MVB12B: variants seen among roughly 807,000 people sequenced by gnomAD.
MVB12B encodes multivesicular body subunit 12B, also known as ESCRT-I complex subunit MVB12B.
Under a neutral mutation model 41.6 loss-of-function variants are expected in MVB12B, and 16 were observed. That is an observed-to-expected ratio of 0.38 (90% CI 0.26 to 0.58). The LOEUF is 0.58. Ranked by LOEUF, MVB12B falls within the 20% of genes least tolerant of loss-of-function variation. The probability of loss-of-function intolerance (pLI) is 0.62; values close to 1 mark genes in which losing one functional copy is unlikely to be tolerated. For synonymous variants in MVB12B, 133 were observed against 139.7 expected (o/e 0.95, Z 0.34); for missense variants, 274 against 380.2 (o/e 0.72, Z 2.32).
At chr9:126,457,223 C>T (rs1833001556) in intron 7 of MVB12B, among the ~76,000 whole-genome samples, 1 of 152,190 alleles carries the variant, frequency 6.6e-6, no homozygotes, top group African/African-American at 2.4e-5. Context: ...CCTTTGGGAT[C>T]CCTTCTTCCC....
chr9:126,365,355 C>CA (rs762716054), intron 2 of MVB12B, among the ~76,000 whole-genome samples: 29 of 109,556 alleles, frequency 2.6e-4, no homozygotes, highest in Admixed American at 8.1e-4. Flanking sequence ...TTTTAAGAGA[C>CA]AGAGTCTCGC....
intron 7 of MVB12B, among the ~76,000 whole-genome samples, chr9:126,464,641 ACT>A (rs1416973911): frequency 2.0e-5 from 3 of 152,190 alleles, no homozygotes; most frequent in African/African-American, 7.2e-5. Flanking sequence ...ACATCCCTTA[ACT>A]CTGTGTGGAG....
At chr9:126,474,482 G>T (rs899863420) in intron 7 of MVB12B, among the ~76,000 whole-genome samples, 1 of 152,130 alleles carries the variant, frequency 6.6e-6, no homozygotes, top group Non-Finnish European at 1.5e-5. Context: ...ATATGAAAAG[G>T]CTGCCCAGAT....
intron 8 of MVB12B, among the ~76,000 whole-genome samples, chr9:126,482,728 A>G (rs1833550978): frequency 6.6e-6 from 1 of 152,220 alleles, no homozygotes; most frequent in Non-Finnish European, 1.5e-5. Context: ...CCGGCAGAGC[A>G]GCCGCGAGCG....
At chr9:126,380,546 C>T (rs1830604777) in intron 2 of MVB12B, among the ~76,000 whole-genome samples, 1 of 152,206 alleles carries the variant, frequency 6.6e-6, no homozygotes. Context: ...CAAGAGGACG[C>T]AGGGTGGAGT....
intron 4 of MVB12B, among the ~76,000 whole-genome samples, chr9:126,390,915 G>T (rs1196129330): frequency 6.8e-6 from 1 of 146,984 alleles, no homozygotes; most frequent in Non-Finnish European, 1.5e-5. Context: ...TCATGCCACT[G>T]CACTCCAGCC....
chr9:126,390,502 G>T (rs1304744246), intron 4 of MVB12B, among the ~76,000 whole-genome samples: 1 of 152,232 alleles, frequency 6.6e-6, no homozygotes, highest in East Asian at 1.9e-4. Context: ...CCGTTGGTCA[G>T]CACTGGAGGT....
At chr9:126,460,271 C>T (rs1833062483) in intron 7 of MVB12B, among the ~76,000 whole-genome samples, 1 of 152,210 alleles carries the variant, frequency 6.6e-6, no homozygotes, top group Non-Finnish European at 1.5e-5. Context: ...TTGCTGGACA[C>T]ATTCCTGGGA....
At chr9:126,416,741 A>G (rs1010475301) in intron 6 of MVB12B, among the ~76,000 whole-genome samples, 1 of 152,146 alleles carries the variant, frequency 6.6e-6, no homozygotes, top group African/African-American at 2.4e-5. Context: ...CTGTTAAATG[A>G]GAATAATTAC....
At chr9:126,458,381 G>A (rs990520317) in intron 7 of MVB12B, among the ~76,000 whole-genome samples, 1 of 152,130 alleles carries the variant, frequency 6.6e-6, no homozygotes. Context: ...TAGGCTGTTC[G>A]GGGGCCTCTG....
Position 126,486,509 on chromosome 9 carries a change from T to C in MVB12B, c.873+2477T>C, listed in dbSNP as rs1833622280. Among the ~76,000 whole-genome samples the C allele has an allele frequency of 6.6e-6, 1 of 152,206 alleles. No homozygotes were observed. Among genetic ancestry groups the C allele is most frequent in the African/African-American group, 2.4e-5 (1 of 41,454 alleles). On this transcript the variant is annotated intron_variant, in intron 9 of 9. Coordinates refer to ENST00000361171, the MANE Select transcript of MVB12B (RefSeq NM_033446.3). This position sits in a 1 kb window ranked among gnomAD's most constrained non-coding sequence, Gnocchi z 4.7. Reference sequence around the variant, plus strand: ...TACCATGGGGTCACGGCAGAACCTGTCTCACGGGGTGCTTTGTGATGCCAA... The same window carrying C: ...TACCATGGGGTCACGGCAGAACCTGCCTCACGGGGTGCTTTGTGATGCCAA...
At chr9:126,494,301 G>A (rs1442796143) in intron 9 of MVB12B, among the ~76,000 whole-genome samples, 1 of 152,058 alleles carries the variant, frequency 6.6e-6, no homozygotes, top group Non-Finnish European at 1.5e-5. Flanking sequence ...CTTCCCCACT[G>A]CCCTTTTGGG....
In MVB12B at chr9:126,396,792, G is replaced by C. The variant is rs540235034; in HGVS notation, c.662+1095G>C. 8 of 985,468 alleles carry C rather than the reference G, an allele frequency of 8.1e-6. No homozygotes were observed. In the South Asian group the frequency reaches 3.3e-4, roughly 41 times the overall value. 61.0% of individuals were successfully genotyped at this position (985,468 alleles called of 1,614,324 possible). A position where few individuals can be genotyped will look rare whatever the true frequency, so the allele number is the denominator to read the frequency against. On this transcript the variant is annotated intron_variant, in intron 6 of 9. Transcript: ENST00000361171. ...ACCCCTGGAATTGCCTGAAACTTTA[G>C]AAGTAGTTTTCAGTTTCATTTGGCA...
At chr9:126,378,009 G>A (rs1033645420) in intron 2 of MVB12B, among the ~76,000 whole-genome samples, 2 of 152,226 alleles carry the variant, frequency 1.3e-5, no homozygotes, top group Non-Finnish European at 1.5e-5. Context: ...AAGGCAGCAT[G>A]TCCACTTTGC....
chr9:126,453,392 G>A (rs756352434), intron 7 of MVB12B, among the ~76,000 whole-genome samples: 5 of 152,150 alleles, frequency 3.3e-5, no homozygotes, highest in Admixed American at 6.5e-5. Context: ...TGGGCAGAAG[G>A]GACTCCCAGA....
At chr9:126,419,144 C>T (rs1831919661) in intron 6 of MVB12B, among the ~76,000 whole-genome samples, 1 of 152,168 alleles carries the variant, frequency 6.6e-6, no homozygotes, top group Non-Finnish European at 1.5e-5. Flanking sequence ...ATGCTTCTAG[C>T]TCCTGGAGTG....
At chr9:126,370,384 T>C (rs538496336) in intron 2 of MVB12B, among the ~76,000 whole-genome samples, 4 of 150,754 alleles carry the variant, frequency 2.7e-5, no homozygotes, top group Non-Finnish European at 4.4e-5. Context: ...GGGCTCTTTT[T>C]TTTTTTTTTT....
In MVB12B at chr9:126,473,754, G is replaced by A. The variant is rs371088242; in HGVS notation, c.758-7615G>A. On this transcript the variant is annotated intron_variant, in intron 7 of 9. Transcript: ENST00000361171. This position sits in a 1 kb window ranked among gnomAD's most constrained non-coding sequence, Gnocchi z 4.0. ...CCACATAGCTCAGTCATCTCCCGCCGGGCCCCCTCCAATACCGGGGATTAC... is the reference window on the plus strand; with the variant it reads ...CCACATAGCTCAGTCATCTCCCGCCAGGCCCCCTCCAATACCGGGGATTAC... 4.6e-5 allele frequency among the ~76,000 whole-genome samples: 7 copies of A among 152,184 alleles called. No individual in the cohort carries two copies. The highest frequency in any genetic ancestry group is 1.3e-4 in the Admixed American group (2 of 15,288).
intron 7 of MVB12B, among the ~76,000 whole-genome samples, chr9:126,442,922 C>G (rs1832676086): frequency 6.6e-6 from 1 of 152,144 alleles, no homozygotes; most frequent in Non-Finnish European, 1.5e-5. Context: ...CTGGAGGAAG[C>G]TATTTTGAGT....
Sources: gnomAD v4.1 joint callset for allele counts (sites outside exome capture counted in the v4.1 genomes callset) on GRCh38, gnomAD v4.1.1 for gene constraint, Gnocchi (gnomAD v3.1) non-coding constraint, MANE v1.5 for transcripts, NCBI Gene and HGNC (gene_info 2026-07-23, HGNC 2026-07-21) for gene names.